Variants in UMAD1 observed in about 807,000 individuals in gnomAD.
UMAD1 encodes UBAP1-MVB12-associated (UMA) domain containing 1.
Under a neutral mutation model 6.1 loss-of-function variants are expected in UMAD1, and 8 were observed. That is an observed-to-expected ratio of 1.30 (90% CI 0.76 to 2.35). The LOEUF (loss-of-function observed/expected upper bound fraction) is 2.35, where lower values mean the gene tolerates loss of function less well. Ranked by LOEUF, UMAD1 falls within the 30% of genes most tolerant of loss-of-function variation. The pLI, the probability that UMAD1 is intolerant of heterozygous loss-of-function variation, is 0.00. For missense variants in UMAD1, 130 were observed against 78.4 expected (o/e 1.66, Z -2.49); for synonymous variants, 56 against 31.4 (o/e 1.78, Z -2.61).
At chr7:7,651,488 C>T (rs573727117) in intron 1 of UMAD1, among the ~76,000 whole-genome samples, 1 of 152,308 alleles carries the variant, frequency 6.6e-6, no homozygotes, top group South Asian at 2.1e-4. Flanking sequence ...CCTCTTCTGT[C>T]TCGTATTTTC....
intron 2 of UMAD1, among the ~76,000 whole-genome samples, chr7:7,774,046 A>G (rs1335549354): frequency 6.6e-6 from 1 of 152,172 alleles, no homozygotes; most frequent in Admixed American, 6.5e-5. Context: ...TCCATTCTAA[A>G]TGGCAAACCA....
At chr7:7,791,153 G>T (rs1054379334) in intron 2 of UMAD1, among the ~76,000 whole-genome samples, 3 of 151,038 alleles carry the variant, frequency 2.0e-5, no homozygotes, top group Non-Finnish European at 2.9e-5. Flanking sequence ...CTCCCAAAGT[G>T]CTGGGATTAC....
At chr7:7,671,239 A>G (rs1351753696) in intron 1 of UMAD1, among the ~76,000 whole-genome samples, 1 of 152,200 alleles carries the variant, frequency 6.6e-6, no homozygotes, top group Non-Finnish European at 1.5e-5. Context: ...AATTTTTGCT[A>G]GATGTAATTC....
chr7:7,794,135 ATAAATCATCT>A lies in UMAD1; in HGVS notation c.83-7533_83-7524del, dbSNP rs1261007444. Among the ~76,000 whole-genome samples the A allele has an allele frequency of 3.3e-5, 5 of 152,206 alleles. 1 individual carries two copies. Among genetic ancestry groups the A allele is most frequent in the African/African-American group, 1.2e-4 (5 of 41,454 alleles). On this transcript the variant is annotated intron_variant, in intron 2 of 3. Transcript: ENST00000682710. ...TGCATTCTCAGATACAGAGTTCTAG[ATAAATCATCT>A]TTAATTAAAGAAAAGAAAAAGAAAA...
chr7:7,641,186 A>T (rs1405667110), intron 1 of UMAD1: 1 of 152,266 alleles, frequency 6.6e-6, no homozygotes, highest in Non-Finnish European at 1.5e-5. Flanking sequence ...CTGTAAGAAG[A>T]GAGATTGATC....
At chr7:7,770,755 TA>T (rs534335485) in intron 2 of UMAD1, among the ~76,000 whole-genome samples, 77 of 151,768 alleles carry the variant, frequency 5.1e-4, no homozygotes, top group Admixed American at 1.3e-3. Flanking sequence ...TAAAGTATAA[TA>T]AAAAAAATGA....
chr7:7,738,445 A>G (rs1465355010), intron 2 of UMAD1: 3 of 152,246 alleles, frequency 2.0e-5, no homozygotes, highest in Non-Finnish European at 4.4e-5. Flanking sequence ...TTAATGGACT[A>G]TTGTTCAAAG....
At chr7:7,656,948 C>T (rs1384075289) in intron 1 of UMAD1, among the ~76,000 whole-genome samples, 1 of 152,208 alleles carries the variant, frequency 6.6e-6, no homozygotes, top group African/African-American at 2.4e-5. Context: ...TAAAAGCCTT[C>T]CTATTTCTAC....
chr7:7,700,717 G>C (rs1291024785), intron 2 of UMAD1, among the ~76,000 whole-genome samples: 1 of 152,110 alleles, frequency 6.6e-6, no homozygotes, highest in Non-Finnish European at 1.5e-5. Context: ...GCAAAACCCT[G>C]TCTCTACTAA....
At chr7:7,792,002 A>C (rs190734424) in intron 2 of UMAD1, among the ~76,000 whole-genome samples, 70 of 152,292 alleles carry the variant, frequency 4.6e-4, no homozygotes, top group African/African-American at 1.6e-3. Flanking sequence ...AATTCTTTTT[A>C]TTAGCTCTTA....
intron 2 of UMAD1, among the ~76,000 whole-genome samples, chr7:7,731,733 T>G (rs781281836): frequency 6.6e-6 from 1 of 152,160 alleles, no homozygotes; most frequent in African/African-American, 2.4e-5. Context: ...CTAGAGCAAA[T>G]TTGAAATAAG....
chr7:7,658,933 C>G (rs1327771020), intron 1 of UMAD1, among the ~76,000 whole-genome samples: 1 of 152,100 alleles, frequency 6.6e-6, no homozygotes, highest in Non-Finnish European at 1.5e-5. Flanking sequence ...TCCATCTGTT[C>G]CTGGACTTTT....
intron 2 of UMAD1, among the ~76,000 whole-genome samples, chr7:7,797,952 G>A (rs1782721273): frequency 6.6e-6 from 1 of 152,204 alleles, no homozygotes; most frequent in African/African-American, 2.4e-5. Flanking sequence ...CTCCCAAAGT[G>A]CTGGGATTAT....
rs566460580 is a variant in UMAD1 at position 7,795,040 on chromosome 7, A to C, written c.83-6630A>C. Among the ~76,000 whole-genome samples the C allele has an allele frequency of 3.9e-5, 6 of 152,346 alleles. No homozygotes were observed. The South Asian group carries it at 1.2e-3, about 32-fold the overall frequency. On this transcript the variant is annotated intron_variant, in intron 2 of 3. Coordinates refer to ENST00000682710, the MANE Select transcript of UMAD1 (RefSeq NM_001302348.2). ...AATCAGAAAATCTTTGAATCCAACTATGACTTGTAAGAACCCCTACTTTGA... is the reference window on the plus strand; with the variant it reads ...AATCAGAAAATCTTTGAATCCAACTCTGACTTGTAAGAACCCCTACTTTGA...
chr7:7,711,691 GTC>G (rs1221236882), intron 2 of UMAD1, among the ~76,000 whole-genome samples: 1 of 151,922 alleles, frequency 6.6e-6, no homozygotes, highest in Non-Finnish European at 1.5e-5. Context: ...CTGCTGTATT[GTC>G]TGTCATTTAA....
rs76972562 is a variant in UMAD1 at position 7,836,276 on chromosome 7, A to C, written c.156+34533A>C. On this transcript the variant is annotated intron_variant, in intron 3 of 3. Transcript: ENST00000682710. ...CTTCAGTATATTCTTAAGCTCTTGG[A>C]TATTTAAAAGTGGTTTTCTATGGTC... 2.1e-3 allele frequency among the ~76,000 whole-genome samples: 320 copies of C among 152,036 alleles called. 1 individual carries two copies. Among genetic ancestry groups the C allele is most frequent in the African/African-American group, 7.3e-3 (304 of 41,550 alleles).
chr7:7,756,962 A>G (rs1781790956), intron 2 of UMAD1, among the ~76,000 whole-genome samples: 2 of 152,200 alleles, frequency 1.3e-5, no homozygotes, highest in South Asian at 4.1e-4. Flanking sequence ...AGAGGGAAGT[A>G]CCAGTTTGAC....
intron 1 of UMAD1, among the ~76,000 whole-genome samples, chr7:7,650,636 A>G (rs1292706833): frequency 6.6e-6 from 1 of 152,240 alleles, no homozygotes; most frequent in Non-Finnish European, 1.5e-5. Flanking sequence ...GTTTATTACC[A>G]CAGTTAATAA....
intron 2 of UMAD1, among the ~76,000 whole-genome samples, chr7:7,765,377 T>C (rs773265222): frequency 6.6e-6 from 1 of 152,190 alleles, no homozygotes; most frequent in Non-Finnish European, 1.5e-5. Flanking sequence ...TCAGAAACCA[T>C]TGATGACTTG....
Sources: allele counts gnomAD v4.1 joint callset (sites outside exome capture counted in the v4.1 genomes callset), GRCh38; gene constraint gnomAD v4.1.1; transcripts MANE v1.5; gene names NCBI Gene and HGNC (gene_info 2026-07-23, HGNC 2026-07-21).